Variants in LY9 observed in about 807,000 individuals in gnomAD.
LY9 encodes the protein lymphocyte antigen 9, also known as T-lymphocyte surface antigen Ly-9.
In LY9, 59 loss-of-function variants were observed where a neutral mutation model predicts 64.6. The ratio of observed to expected loss-of-function variants is 0.91; its 90% CI spans 0.74 to 1.13. The LOEUF (loss-of-function observed/expected upper bound fraction) is 1.13. Among genes scored for constraint, LY9 ranks in the 50% most tolerant of loss-of-function variants. The probability of loss-of-function intolerance (pLI) is 0.00; values close to 1 mark genes in which losing one functional copy is unlikely to be tolerated. For missense variants in LY9, 789 were observed against 797.2 expected (o/e 0.99, Z 0.12); for synonymous variants, 281 against 308.5 (o/e 0.91, Z 0.93).
intron 2 of LY9, chr1:160,801,955 A>G: frequency 6.2e-7 from 1 of 1,608,376 alleles, no homozygotes; most frequent in Non-Finnish European, 8.5e-7. Context: ...CCGCTCCGCC[A>G]TCCCCACCTC....
At chr1:160,827,234 G>C (rs1405159681) in intron 9 of LY9, among the ~76,000 whole-genome samples, 1 of 152,060 alleles carries the variant, frequency 6.6e-6, no homozygotes, top group Non-Finnish European at 1.5e-5. Flanking sequence ...GCTGTTGCTG[G>C]TACCCAACCT....
chr1:160,819,548 G>A (rs1044601787), intron 7 of LY9, among the ~76,000 whole-genome samples, 174 bp downstream of exon 7: 2 of 152,016 alleles, frequency 1.3e-5, no homozygotes, highest in Non-Finnish European at 2.9e-5. Context: ...CCAGCACTTC[G>A]GGAGGCTGAG....
intron 2 of LY9, among the ~76,000 whole-genome samples, chr1:160,802,957 T>C (rs939485094): frequency 1.3e-5 from 2 of 152,272 alleles, no homozygotes; most frequent in East Asian, 1.9e-4. Context: ...TGACTATTCA[T>C]GGTCTTTTGT....
At chr1:160,800,358 A>C in intron 2 of LY9, 1 of 334,334 alleles carries the variant, frequency 3.0e-6, no homozygotes, top group East Asian at 5.7e-5. Flanking sequence ...CCCCACACTC[A>C]CCCTTCTCAG....
chr1:160,799,903 C>G lies in LY9; in HGVS notation c.275C>G (p.Pro92Arg), dbSNP rs1212573444. The G allele has an allele frequency of 6.2e-7, 1 of 1,614,144 alleles. No individual in the cohort carries two copies. The highest frequency in any genetic ancestry group is 1.1e-5 in the South Asian group (1 of 91,080). Residue 92 changes from proline (P) to arginine (R), a missense_variant, in exon 2 of 10, where the codon CCC (proline) becomes CGC (arginine). Physicochemically the swap from Pro to Arg is moderately radical, Grantham distance 103 (BLOSUM62 -2). Coordinates refer to ENST00000263285, the MANE Select transcript of LY9 (RefSeq NM_002348.4). Reference sequence around the variant, plus strand: ...AAAAATGCTCTTGCTTTCGCACGTCCCAAAGAAAATGTAACCATTATGGTC... The same window carrying G: ...AAAAATGCTCTTGCTTTCGCACGTCGCAAAGAAAATGTAACCATTATGGTC... ...GPKNALAFAR[P>R]KENVTIMVKS...
chr1:160,810,642 A>T (rs1357380477), intron 2 of LY9: 1 of 152,194 alleles, frequency 6.6e-6, no homozygotes, highest in African/African-American at 2.4e-5. Context: ...CTAACATTCT[A>T]CCCTCTGGCC....
intron 7 of LY9, 132 bp from the exon 8 acceptor site, chr1:160,823,333 G>A (rs1268041503): frequency 9.6e-6 from 6 of 622,678 alleles, no homozygotes; most frequent in Non-Finnish European, 1.4e-5. Context: ...AGGGAAGACA[G>A]GACAAAACAA....
intron 1 of LY9, among the ~76,000 whole-genome samples, chr1:160,797,862 TACAC>T (rs57306367): frequency 0.31 from 47,243 of 150,494 alleles, 7,580 homozygotes; most frequent in African/African-American, 0.34. Flanking sequence ...AGATGATCTA[TACAC>T]ACACACACAC....
At chr1:160,819,404 G>C (rs1218283696) in intron 7 of LY9, 30 bp downstream of exon 7, 1 of 1,585,366 alleles carries the variant, frequency 6.3e-7, no homozygotes. Context: ...AGGCTATGGG[G>C]TATCTGGTCC....
chr1:160,802,701 AAAATAAATAAAT>A (rs58485948), intron 2 of LY9: 3 of 915,646 alleles, frequency 3.3e-6, no homozygotes, highest in Non-Finnish European at 2.6e-6. Flanking sequence ...TAAAAAAATA[AAAATAAATAAAT>A]AAATAAATAA....
At chr1:160,796,960 C>A (rs1665939817) in intron 1 of LY9, 1 of 219,740 alleles carries the variant, frequency 4.6e-6, no homozygotes, top group Non-Finnish European at 7.7e-6. Context: ...ACTTCTGGAG[C>A]TTCTTTCTAT....
chr1:160,827,141 T>A (rs1194387303), intron 9 of LY9, among the ~76,000 whole-genome samples: 1 of 152,222 alleles, frequency 6.6e-6, no homozygotes, highest in Non-Finnish European at 1.5e-5. Context: ...GCCTACTTGA[T>A]CTGGAAATTC....
At chr1:160,822,298 G>A (rs566163685) in intron 7 of LY9, among the ~76,000 whole-genome samples, 8 of 152,252 alleles carry the variant, frequency 5.3e-5, no homozygotes, top group African/African-American at 1.9e-4. Context: ...CCAGTTTGAG[G>A]AGGCGGTGTC....
At chr1:160,796,677 C>T (rs1347577528) in intron 1 of LY9, among the ~76,000 whole-genome samples, 3 of 152,144 alleles carry the variant, frequency 2.0e-5, no homozygotes, top group Admixed American at 6.6e-5. Context: ...AGGCGTGAGC[C>T]CAGTTCTTGT....
chr1:160,818,327 T>C lies in LY9; in HGVS notation c.1444+8T>C, dbSNP rs780883777. The C allele has an allele frequency of 6.2e-7, 1 of 1,610,128 alleles. No individual in the cohort carries two copies. Among genetic ancestry groups the C allele is most frequent in the East Asian group, 2.2e-5 (1 of 44,856 alleles). On this transcript the variant is annotated splice_region_variant and intron_variant, in intron 6 of 9. Transcript: ENST00000263285. ...GGAAGCGAAAAGGACGGTGTGAGTT[T>C]CCGAGATCAATGTTGTCCGCCAGTG...
intron 1 of LY9, among the ~76,000 whole-genome samples, chr1:160,798,259 A>G (rs937244568): frequency 2.0e-5 from 3 of 152,122 alleles, no homozygotes; most frequent in Non-Finnish European, 4.4e-5. Flanking sequence ...GGCTTCCAGG[A>G]TACAGATGGG....
intron 9 of LY9, chr1:160,824,479 G>A (rs1668735136): frequency 1.0e-6 from 1 of 984,684 alleles, no homozygotes; most frequent in African/African-American, 1.7e-5. Flanking sequence ...ATCTTATGTT[G>A]GTTATTTTTA....
At position 160,804,376 on chromosome 1, in the gene LY9, T is replaced by C. The variant is rs188463728; in HGVS notation, c.454+4294T>C. Reference sequence around the variant, plus strand: ...TGGTTTTTATCCTTCAGTCTATTGATGTGATGTATCACATTTATTGATTTA... The same window carrying C: ...TGGTTTTTATCCTTCAGTCTATTGACGTGATGTATCACATTTATTGATTTA... On this transcript the variant is annotated intron_variant, in intron 2 of 9. Transcript: ENST00000263285. Among the ~76,000 whole-genome samples, 8 of 152,328 alleles carry C rather than the reference T, an allele frequency of 5.3e-5. No homozygotes were observed. In the East Asian group the frequency reaches 1.5e-3, roughly 29 times the overall value.
At position 160,813,724 on chromosome 1, in the gene LY9, G is replaced by A. The variant is rs1260792184; in HGVS notation, c.543G>A (p.Lys181=). The A allele has an allele frequency of 1.2e-6, 2 of 1,614,154 alleles. No homozygotes were observed. The highest frequency in any genetic ancestry group is 3.3e-5 in the Admixed American group (2 of 60,026). ...SCNITLMCSV[K]GAEKSVLYSW... ...ACATCACTCTAATGTGCTCCGTGAA[G>A]GGGGCAGAGAAAAGTGTTCTGTACA... The change falls in exon 3 of 10, where the codon AAG becomes AAA. Residue 181 remains lysine (K), a synonymous_variant. Coordinates refer to ENST00000263285, the MANE Select transcript of LY9 (RefSeq NM_002348.4).
Sources: gnomAD v4.1 joint callset for allele counts (sites outside exome capture counted in the v4.1 genomes callset) on GRCh38, gnomAD v4.1.1 for gene constraint, MANE v1.5 for transcripts, NCBI Gene and HGNC (gene_info 2026-07-23, HGNC 2026-07-21) for gene names.